CLECL1: variants seen among roughly 807,000 people sequenced by gnomAD.
CLECL1 encodes C-type lectin-like domain family 1.
intron 1 of CLECL1, among the ~76,000 whole-genome samples, chr12:9,731,600 G>A (rs921379452): frequency 2.6e-5 from 4 of 152,174 alleles, no homozygotes; most frequent in Admixed American, 6.5e-5. Context: ...CAAAAGTTGC[G>A]TTTATCTAAC....
downstream of CLECL1, among the ~76,000 whole-genome samples, chr12:9,719,907 A>G (rs1323491406): frequency 1.3e-5 from 2 of 152,172 alleles, no homozygotes; most frequent in African/African-American, 2.4e-5. Context: ...CCATTTTCAC[A>G]GTGCCTTGGA....
At chr12:9,708,703 A>G in the CLECL1 span, among the ~76,000 whole-genome samples, 63 of 152,322 alleles carry the variant, frequency 4.1e-4, no homozygotes, top group South Asian at 0.012. Context: ...TCTCTACTTC[A>G]TGGGTACCTA....
intron 3 of CLECL1, among the ~76,000 whole-genome samples, chr12:9,726,120 C>G (rs1203829054): frequency 6.6e-6 from 1 of 151,838 alleles, no homozygotes; most frequent in Non-Finnish European, 1.5e-5. Flanking sequence ...TAAAAATCAT[C>G]AAATATTTCA....
rs751488466 is a variant in CLECL1 at position 9,733,001 on chromosome 12, G to A, written n.30C>T. The A allele has an allele frequency of 4.3e-6, 7 of 1,614,026 alleles. No homozygotes were observed. In the Admixed American group the frequency reaches 1.0e-4, roughly 23 times the overall value. On this transcript the variant is annotated non_coding_transcript_exon_variant, in exon 1 of 4. Transcript: ENST00000621400. ...CTAACGGGGAAGTCCGAACAGTTTT[G>A]ATGTCAGCGTAGACTACATCTCCAG...
the CLECL1 span, among the ~76,000 whole-genome samples, chr12:9,706,123 T>C: frequency 6.6e-5 from 10 of 152,212 alleles, no homozygotes; most frequent in African/African-American, 2.4e-4. Context: ...GGTATTTTGT[T>C]CTCTTTGTAG....
At chr12:9,721,807 CT>C (rs1209760682), downstream of CLECL1, among the ~76,000 whole-genome samples, 1 of 152,178 alleles carries the variant, frequency 6.6e-6, no homozygotes, top group Non-Finnish European at 1.5e-5. Context: ...CTTGATTTGG[CT>C]CATAGTTTGC....
At chr12:9,702,976 A>T in the CLECL1 span, among the ~76,000 whole-genome samples, 1 of 152,210 alleles carries the variant, frequency 6.6e-6, no homozygotes. Flanking sequence ...GGAAGAGAAG[A>T]CTTGTTCTAT....
exon 3 of CLECL1, chr12:9,716,767 G>A (rs1866243904): frequency 1.6e-6 from 2 of 1,279,428 alleles, no homozygotes; most frequent in Non-Finnish European, 2.0e-6. Flanking sequence ...TGTCAAAAAA[G>A]ATTGGATTTC....
upstream of CLECL1, chr12:9,733,128 G>C: frequency 1.2e-6 from 2 of 1,613,808 alleles, no homozygotes; most frequent in Non-Finnish European, 1.7e-6. Flanking sequence ...AATTGAGATG[G>C]CAAATTTCCT....
intron 2 of CLECL1, among the ~76,000 whole-genome samples, chr12:9,717,406 T>C (rs1467167779): frequency 1.3e-5 from 2 of 152,248 alleles, no homozygotes; most frequent in East Asian, 1.9e-4. Context: ...GTTTTGGAAT[T>C]GGAAACGTCT....
chr12:9,705,238 GCTTA>G, the CLECL1 span, among the ~76,000 whole-genome samples: 2 of 151,148 alleles, frequency 1.3e-5, no homozygotes, highest in Non-Finnish European at 3.0e-5. Context: ...CATGTCCTTT[GCTTA>G]CTTTTTAATG....
At chr12:9,718,662 C>T (rs983209891), downstream of CLECL1, 9 of 693,868 alleles carry the variant, frequency 1.3e-5, no homozygotes, top group African/African-American at 1.6e-4. Context: ...TGCGGTGGGC[C>T]CTAATCCAAT....
At chr12:9,732,922 C>G (rs751550011) in intron 1 of CLECL1, 27 bp downstream of exon 1, 2 of 1,539,368 alleles carry the variant, frequency 1.3e-6, no homozygotes, top group African/African-American at 2.8e-5. Flanking sequence ...AATCTTAATT[C>G]TCAAAGGCAC....
chr12:9,716,687 G>A, exon 3 of CLECL1: 1 of 848,100 alleles, frequency 1.2e-6, no homozygotes, highest in Non-Finnish European at 1.6e-6. Flanking sequence ...GAAGACCCCA[G>A]AGACAGACAT....
chr12:9,702,847 A>C, the CLECL1 span, among the ~76,000 whole-genome samples: 2 of 152,206 alleles, frequency 1.3e-5, no homozygotes, highest in African/African-American at 4.8e-5. Context: ...GGTAGCATTA[A>C]ATCTGAAGAC....
At chr12:9,716,832 C>T (rs1186203058) in intron 2 of CLECL1, 1 of 992,488 alleles carries the variant, frequency 1.0e-6, no homozygotes, top group Non-Finnish European at 1.4e-6. Flanking sequence ...ACATTTGAGG[C>T]AAAACTACTG....
chr12:9,718,660 G>A (rs1323710116), downstream of CLECL1: 1 of 693,544 alleles, frequency 1.4e-6, no homozygotes, highest in Non-Finnish European at 2.6e-6. Context: ...ATTGCGGTGG[G>A]CCCTAATCCA....
chr12:9,709,255 A>C, the CLECL1 span: 1 of 152,012 alleles, frequency 6.6e-6, no homozygotes, highest in African/African-American at 2.4e-5. Context: ...TGAGTCCCAG[A>C]GGCACCCCCA....
At chr12:9,712,487 T>C (rs1475626216), downstream of CLECL1, among the ~76,000 whole-genome samples, 3 of 152,240 alleles carry the variant, frequency 2.0e-5, no homozygotes, top group African/African-American at 7.2e-5. Context: ...AACAATGCAA[T>C]CTACAAATGA....
Sources: gnomAD v4.1 joint callset for allele counts (sites outside exome capture counted in the v4.1 genomes callset) on GRCh38, gnomAD v4.1.1 for gene constraint, MANE v1.5 for transcripts, NCBI Gene and HGNC (gene_info 2026-07-23, HGNC 2026-07-21) for gene names.